ZIM2: variants seen among roughly 807,000 people sequenced by gnomAD.
ZIM2 encodes the protein zinc finger protein 656.
A neutral mutation model predicts 38.6 loss-of-function variants in ZIM2; 14 were observed. The ratio of observed to expected loss-of-function variants is 0.36; its 90% CI spans 0.24 to 0.57. The LOEUF is 0.57. Ranked by LOEUF, ZIM2 falls within the 20% of genes least tolerant of loss-of-function variation. ZIM2 has a pLI of 0.81. For missense variants in ZIM2, 680 were observed against 695.1 expected, an observed-to-expected ratio of 0.98 and a Z score of 0.24; for synonymous variants, 247 against 245.8, an observed-to-expected ratio of 1.00 and a Z score of -0.04.
At chr19:56,824,821 C>T (rs1036993499) in intron 3 of ZIM2, 29 of 633,746 alleles carry the variant, frequency 4.6e-5, no homozygotes, top group Non-Finnish European at 1.9e-5. Context: ...CCAGAGGCAT[C>T]GACAATGCTT....
chr19:56,810,642 G>A (rs772447008), intron 9 of ZIM2: 906 of 944,894 alleles, frequency 9.6e-4, no homozygotes, highest in Non-Finnish European at 1.1e-3. Flanking sequence ...AGGAATTTGA[G>A]ACAAAATATT....
At chr19:56,821,557 A>AG (rs1315929565) in intron 7 of ZIM2, 94 bp downstream of exon 7, 5 of 1,474,660 alleles carry the variant, frequency 3.4e-6, no homozygotes, top group Non-Finnish European at 4.7e-6. Flanking sequence ...GCTGGACTCT[A>AG]GGGGGCAGAT....
chr19:56,837,422 C>A (rs2062276972), intron 1 of ZIM2, among the ~76,000 whole-genome samples: 1 of 152,234 alleles, frequency 6.6e-6, no homozygotes, highest in Non-Finnish European at 1.5e-5. Flanking sequence ...ACACCCACAG[C>A]CCACTTCCTC....
intron 3 of ZIM2, chr19:56,824,641 C>G (rs753766471): frequency 6.3e-7 from 1 of 1,597,136 alleles, no homozygotes; most frequent in East Asian, 2.2e-5. Flanking sequence ...CAGACAAGTG[C>G]TTTGGAGGCA....
intron 12 of ZIM2, among the ~76,000 whole-genome samples, chr19:56,778,519 CTT>C (rs1484448972): frequency 6.6e-6 from 1 of 152,190 alleles, no homozygotes; most frequent in Non-Finnish European, 1.5e-5. Flanking sequence ...CTTCCTCTCT[CTT>C]GAGAATGCTT....
At chr19:56,809,336 A>C (rs1372665550) in intron 9 of ZIM2, among the ~76,000 whole-genome samples, 1 of 152,214 alleles carries the variant, frequency 6.6e-6, no homozygotes, top group Non-Finnish European at 1.5e-5. Context: ...TTTATATCTT[A>C]AGAACAAAAT....
intron 9 of ZIM2, chr19:56,813,963 A>G: frequency 6.2e-7 from 1 of 1,613,884 alleles, no homozygotes; most frequent in Non-Finnish European, 8.5e-7. Context: ...CTTGATCTTC[A>G]CCTTCTTCTG....
chr19:56,824,559 C>T, intron 3 of ZIM2, 132 bp from the exon 4 acceptor site: 2 of 1,614,168 alleles, frequency 1.2e-6, no homozygotes, highest in Non-Finnish European at 1.7e-6. Flanking sequence ...CCTATGATGA[C>T]ATCCGGCTCC....
rs1200422310 is a variant in ZIM2, at chr19:56,775,467, T to C, written c.898A>G (p.Ile300Val). ...QGNQEKLLTP[I>V]TMNDPKTLTP... is the part of the protein sequence containing the mutation. ...AGGGTCTTGGGGTCATTCATTGTTA[T>C]AGGAGTCAAAAGTTTCTCTTGGTTG... Residue 300 changes from isoleucine to valine, a missense_variant, in exon 13 of 13, where the codon ATA (isoleucine) becomes GTA (valine). Physicochemically the swap from Ile to Val is conservative, Grantham distance 29. Coordinates refer to ENST00000629319, the MANE Select transcript of ZIM2 (RefSeq NM_001387356.1). 8 of 1,613,912 alleles carry C rather than the reference T, an allele frequency of 5.0e-6. No individual in the cohort carries two copies. In the Admixed American group the frequency reaches 1.0e-4, roughly 20 times the overall value.
intron 9 of ZIM2, chr19:56,811,056 C>T (rs987831390): frequency 1.0e-6 from 1 of 976,884 alleles, no homozygotes; most frequent in Non-Finnish European, 1.2e-6. Flanking sequence ...CAAGAATGAA[C>T]AAGATAAGAG....
At chr19:56,788,670 A>G (rs2046764168) in intron 10 of ZIM2, among the ~76,000 whole-genome samples, 1 of 152,030 alleles carries the variant, frequency 6.6e-6, no homozygotes, top group African/African-American at 2.4e-5. Context: ...TGGTCTCTGT[A>G]TTTCCTGAAT....
chr19:56,811,155 A>G (rs2059515609), intron 9 of ZIM2: 1 of 980,020 alleles, frequency 1.0e-6, no homozygotes, highest in African/African-American at 1.8e-5. Flanking sequence ...AGTTCAAATT[A>G]TGTTCACAAT....
intron 2 of ZIM2, among the ~76,000 whole-genome samples, chr19:56,834,497 C>T (rs2061883422): frequency 6.6e-6 from 1 of 152,214 alleles, no homozygotes; most frequent in South Asian, 2.1e-4. Flanking sequence ...ATACACACTG[C>T]TGAGTACTTG....
chr19:56,836,756 G>T (rs1287523431), intron 1 of ZIM2, among the ~76,000 whole-genome samples: 1 of 152,140 alleles, frequency 6.6e-6, no homozygotes, highest in Non-Finnish European at 1.5e-5. Flanking sequence ...ATCACCTGAG[G>T]TCAGGAGTTC....
In ZIM2 at chr19:56,775,118, C is replaced by T. The variant is rs759889945; in HGVS notation, c.1247G>A (p.Gly416Asp). 1 of 1,614,086 alleles carries T rather than the reference C, an allele frequency of 6.2e-7. No homozygotes were observed. Among genetic ancestry groups the T allele is most frequent in the Non-Finnish European group, 8.5e-7 (1 of 1,180,016 alleles). ...GGAAGGCTTTCTACCTTCATTGCAG[C>T]CAGAAGTCTTCCTACCAGAATGGGT... Reference protein sequence around the residue: ...QKTHSGRKTSGCNEGRKPSVQ... With the variant: ...QKTHSGRKTSDCNEGRKPSVQ... The change falls in exon 13 of 13, where the codon GGC becomes GAC. Residue 416 changes from glycine to aspartate, a missense_variant. Physicochemically the swap from Gly to Asp is moderately conservative, Grantham distance 94. Transcript: ENST00000629319.
chr19:56,792,530 CAAAAAAAA>C (rs1215431208), intron 9 of ZIM2, among the ~76,000 whole-genome samples: 59 of 20,952 alleles, frequency 2.8e-3, no homozygotes, highest in African/African-American at 5.9e-3. Context: ...GACTCTGTCT[CAAAAAAAA>C]AAAAAAAAAA....
At position 56,836,084 on chromosome 19, in the gene ZIM2, CG is replaced by C. The variant is rs750889338; in HGVS notation, c.-294del. 25 of 496,686 alleles carry C rather than the reference CG, an allele frequency of 5.0e-5. No homozygotes were observed. Among genetic ancestry groups the C allele is most frequent in the South Asian group, 3.7e-4 (25 of 67,612 alleles). 30.8% of individuals were successfully genotyped at this position (496,686 alleles called of 1,614,324 possible). A position where few individuals can be genotyped will look rare whatever the true frequency, so the allele number is the denominator to read the frequency against. On this transcript the variant is annotated 5_prime_UTR_variant, in exon 2 of 13. Transcript: ENST00000629319. ...TCTCGCCAGTCGTCTCCAAGAAGGA[CG>C]GAAGATCAAGAAGGCAAAGCTGTAG...
intron 2 of ZIM2, among the ~76,000 whole-genome samples, chr19:56,827,118 T>A (rs2061115725): frequency 6.6e-6 from 1 of 152,192 alleles, no homozygotes; most frequent in Admixed American, 6.5e-5. Context: ...AAACTTTCTG[T>A]GAATAAAATA....
chr19:56,793,720 A>T (rs1438677132), intron 9 of ZIM2, among the ~76,000 whole-genome samples: 1 of 152,238 alleles, frequency 6.6e-6, no homozygotes. Context: ...CCAAGTGTTG[A>T]CAAGGATAAT....
Sources: gnomAD v4.1 joint callset for allele counts (sites outside exome capture counted in the v4.1 genomes callset) on GRCh38, gnomAD v4.1.1 for gene constraint, MANE v1.5 for transcripts, NCBI Gene and HGNC (gene_info 2026-07-23, HGNC 2026-07-21) for gene names.